B4GALNT2: variants seen among roughly 807,000 people sequenced by gnomAD.
B4GALNT2 encodes the protein beta-1,4-N-acetyl-galactosaminyltransferase 2 (SID blood group), also known as N-acetylneuraminylgalactosylglucosyl-glucoside beta-1,4-N- acetylgalactosaminyltransferase 2.
A neutral mutation model predicts 51.1 loss-of-function variants in B4GALNT2; 42 were observed. That is an observed-to-expected ratio of 0.82 (90% confidence interval 0.64 to 1.06). The LOEUF (loss-of-function observed/expected upper bound fraction) is 1.06, where lower values mean the gene tolerates loss of function less well. B4GALNT2 is among the 50% of genes least tolerant of loss of function. The pLI is 0.00. For synonymous variants in B4GALNT2, 253 were observed against 251.7 expected (o/e 1.01, Z -0.05); for missense variants, 602 against 633.6 (o/e 0.95, Z 0.54).
intron 3 of B4GALNT2, among the ~76,000 whole-genome samples, chr17:49,151,114 C>T (rs1368815117): frequency 1 from 55,230 of 55,318 alleles, 27,576 homozygotes; most frequent in Middle Eastern, 1. Flanking sequence ...GTGGCTCACG[C>T]CTGTAATCCC....
Position 49,141,276 on chromosome 17 carries a change from T to C in B4GALNT2, c.44T>C (p.Leu15Ser). The change falls in exon 2 of 11, where the codon TTG becomes TCG. Residue 15 changes from leucine (L) to serine (S), a missense_variant. Transcript: ENST00000393354. ...GSRFLWLLKILVIILVLGIVG... is the reference protein window; with the variant it reads ...GSRFLWLLKISVIILVLGIVG... ...AGATTTCTGTGGCTCCTCAAGATATTGGTCATAATCCTGGTACTTGGCATT... is the reference window on the plus strand; with the variant it reads ...AGATTTCTGTGGCTCCTCAAGATATCGGTCATAATCCTGGTACTTGGCATT... The C allele has an allele frequency of 6.2e-7, 1 of 1,614,144 alleles. No homozygotes were observed. Among genetic ancestry groups the C allele is most frequent in the East Asian group, 2.2e-5 (1 of 44,882 alleles).
chr17:49,137,878 T>G (rs2042604604), intron 1 of B4GALNT2, among the ~76,000 whole-genome samples: 1 of 152,136 alleles, frequency 6.6e-6, no homozygotes, highest in Admixed American at 6.6e-5. Flanking sequence ...AAGATGAGAC[T>G]TAGAGGAAGA....
At chr17:49,162,217 T>C (rs889274590) in intron 7 of B4GALNT2, among the ~76,000 whole-genome samples, 8 of 152,090 alleles carry the variant, frequency 5.3e-5, no homozygotes, top group Non-Finnish European at 7.4e-5. Context: ...AAAAAAATCT[T>C]CGATTCACAT....
chr17:49,137,214 G>A (rs1197802811), intron 1 of B4GALNT2, among the ~76,000 whole-genome samples: 1 of 152,130 alleles, frequency 6.6e-6, no homozygotes. Flanking sequence ...ATATAATATG[G>A]TTTGAATGTG....
At chr17:49,137,225 C>A (rs2042599183) in intron 1 of B4GALNT2, among the ~76,000 whole-genome samples, 1 of 152,068 alleles carries the variant, frequency 6.6e-6, no homozygotes, top group South Asian at 2.1e-4. Context: ...TTTGAATGTG[C>A]CCCTCAGAGT....
the B4GALNT2 span, among the ~76,000 whole-genome samples, chr17:49,126,298 G>A: frequency 6.6e-6 from 1 of 152,034 alleles, no homozygotes; most frequent in Non-Finnish European, 1.5e-5. Flanking sequence ...ATGCTTGACG[G>A]CAGCATGCTC....
upstream of B4GALNT2, among the ~76,000 whole-genome samples, chr17:49,130,468 G>A (rs933558123): frequency 2.4e-4 from 37 of 152,054 alleles, no homozygotes; most frequent in African/African-American, 8.2e-4. Context: ...TGAAACCCTC[G>A]TCTCTACTAA....
chr17:49,123,710 GT>G, the B4GALNT2 span, among the ~76,000 whole-genome samples: 6 of 152,152 alleles, frequency 3.9e-5, no homozygotes, highest in Non-Finnish European at 7.3e-5. Context: ...ATACCTATGA[GT>G]TTCCCCTTGA....
At position 49,141,393 on chromosome 17, in the gene B4GALNT2, T is replaced by C. The variant is rs1204121064; in HGVS notation, c.161T>C (p.Leu54Pro). The C allele has an allele frequency of 4.3e-6, 7 of 1,614,162 alleles. No homozygotes were observed. The highest frequency in any genetic ancestry group is 5.1e-6 in the Non-Finnish European group (6 of 1,180,010). ...AGTCCTGCCCCGGGTGTCCAGAAGC[T>C]GAAGCTTCTGCCTGAGGAACGTCTC... ...LPSPAPGVQKLKLLPEERLRN... is the reference protein window; with the variant it reads ...LPSPAPGVQKPKLLPEERLRN... Residue 54 changes from leucine (L) to proline (P), a missense_variant, in exon 2 of 11, where the codon CTG (leucine) becomes CCG (proline). Coordinates refer to ENST00000393354, the MANE Select transcript of B4GALNT2 (RefSeq NM_001159387.2).
chr17:49,156,970 C>A (rs907258869), intron 5 of B4GALNT2, among the ~76,000 whole-genome samples: 1 of 152,218 alleles, frequency 6.6e-6, no homozygotes, highest in Admixed American at 6.5e-5. Flanking sequence ...TGCAGCTCCA[C>A]ATCAAGATCT....
chr17:49,147,374 C>CTTTTTT (rs1475311406), intron 3 of B4GALNT2, among the ~76,000 whole-genome samples: 26 of 143,944 alleles, frequency 1.8e-4, no homozygotes, highest in African/African-American at 6.6e-4. Context: ...TCTTTTCTTT[C>CTTTTTT]TTTCTTTTTT....
At chr17:49,165,497 C>T in intron 8 of B4GALNT2, among the ~76,000 whole-genome samples, 1 of 84,808 alleles carries the variant, frequency 1.2e-5, no homozygotes. Context: ...CCTCCCTCTT[C>T]CCCCCACTGT....
chr17:49,166,321 C>G (rs576242601), intron 9 of B4GALNT2, 67 bp downstream of exon 9: 95 of 832,278 alleles, frequency 1.1e-4, no homozygotes, highest in South Asian at 7.7e-4. Flanking sequence ...GAGAAGAGAG[C>G]GGGAAGAAAT....
chr17:49,141,450 G>T lies in B4GALNT2; in HGVS notation c.215+3G>T. 2 of 1,613,526 alleles carry T rather than the reference G, an allele frequency of 1.2e-6. No individual in the cohort carries two copies. Among genetic ancestry groups the T allele is most frequent in the Non-Finnish European group, 1.7e-6 (2 of 1,179,688 alleles). Reference sequence around the variant, plus strand: ...CTCTTTTCCTACGATGGAATCTGGTGAGAGACTGCGTGTTCTTTCTTTCAC... The same window carrying T: ...CTCTTTTCCTACGATGGAATCTGGTTAGAGACTGCGTGTTCTTTCTTTCAC... On this transcript the variant is annotated splice_donor_region_variant and intron_variant, in intron 2 of 10. Coordinates refer to ENST00000393354, the MANE Select transcript of B4GALNT2 (RefSeq NM_001159387.2).
chr17:49,168,764 G>T lies in B4GALNT2; in HGVS notation c.1179G>T (p.Arg393Ser), dbSNP rs771332463. 6.2e-7 allele frequency: 1 copy of T among 1,614,074 alleles called. No homozygotes were observed. The highest frequency in any genetic ancestry group is 2.2e-5 in the East Asian group (1 of 44,886). Residue 393 changes from arginine to serine, a missense_variant, in exon 10 of 11, where the codon AGG becomes AGT. Transcript: ENST00000393354. ...AGAATGGGGCCTGCCTTCACAAGAG[G>T]ATGGGATTTTTCCAACCCCTGGATG... Reference protein sequence around the residue: ...QSENGACLHKRMGFFQPLDGF... With the variant: ...QSENGACLHKSMGFFQPLDGF...
chr17:49,146,485 A>AT (rs886222011), intron 3 of B4GALNT2, among the ~76,000 whole-genome samples: 46 of 152,076 alleles, frequency 3.0e-4, no homozygotes, highest in African/African-American at 1.1e-3. Flanking sequence ...TAATTTTTGT[A>AT]TTTTTTATGG....
chr17:49,155,297 CAAAAAAAAAAA>C (rs34869721), intron 4 of B4GALNT2, among the ~76,000 whole-genome samples: 1 of 54,166 alleles, frequency 1.8e-5, no homozygotes, highest in Non-Finnish European at 3.3e-5. Flanking sequence ...GATTCAGTCT[CAAAAAAAAAAA>C]AAAAAAAAAA....
In B4GALNT2 at chr17:49,136,608, G is replaced by A. The variant is rs541880370; in HGVS notation, c.14+3802G>A. Among the ~76,000 whole-genome samples, 43 of 151,690 alleles carry A rather than the reference G, an allele frequency of 2.8e-4. 1 individual carries two copies. The Middle Eastern group carries it at 0.01, about 36-fold the overall frequency. ...GTCACCCAGGCTGGAGCACAGTGGC[G>A]CGATCTCAGCCCACTGCAACCTCCA... On this transcript the variant is annotated intron_variant, in intron 1 of 10. Coordinates refer to ENST00000393354, the MANE Select transcript of B4GALNT2 (RefSeq NM_001159387.2).
At position 49,170,583 on chromosome 17, in the gene B4GALNT2, A is replaced by G. The variant is rs1268439910; in HGVS notation, c.*855A>G. ...GTCACTCAAAACTCATGTCATTTAC[A>G]GAGTGGTTCCATCACTCTGTTGTTG... On this transcript the variant is annotated 3_prime_UTR_variant, in exon 11 of 11. Transcript: ENST00000393354. 2 of 152,252 alleles carry G rather than the reference A, an allele frequency of 1.3e-5. No individual in the cohort carries two copies. Among genetic ancestry groups the G allele is most frequent in the African/African-American group, 4.8e-5 (2 of 41,466 alleles). 9.4% of individuals were successfully genotyped at this position (152,252 alleles called of 1,614,324 possible). A position where few individuals can be genotyped will look rare whatever the true frequency, so the allele number is the denominator to read the frequency against.
Sources: gnomAD v4.1 joint callset for allele counts (sites outside exome capture counted in the v4.1 genomes callset) on GRCh38, gnomAD v4.1.1 for gene constraint, MANE v1.5 for transcripts, NCBI Gene and HGNC (gene_info 2026-07-23, HGNC 2026-07-21) for gene names.